Variants in ENG observed in about 807,000 individuals in gnomAD.
The protein encoded by ENG is endoglin, also known as CD105 antigen.
In ENG, 17 loss-of-function variants were observed where a neutral mutation model predicts 71.0. The ratio of observed to expected loss-of-function variants is 0.24; its 90% confidence interval spans 0.16 to 0.36. The LOEUF is 0.36. Among genes scored for constraint, ENG ranks in the 10% least tolerant of loss-of-function variants. The pLI is 1.00. For missense variants in ENG, 749 were observed against 868.3 expected, an observed-to-expected ratio of 0.86 and a Z score of 1.73; for synonymous variants, 360 against 366.9, an observed-to-expected ratio of 0.98 and a Z score of 0.21.
At position 127,819,643 on chromosome 9, in the gene ENG, C is replaced by G. The variant is rs377321205; in HGVS notation, c.1290G>C (p.Leu430=). Residue 430 remains leucine (L), a synonymous_variant, in exon 10 of 15, where the codon CTG becomes CTC. Transcript: ENST00000373203. ...TCACCCGCTGTGGTGATGAGCTCGA[C>G]AGGATATTGACCACCGCCTGCGGGG... The part of the protein sequence containing the change: ...MISNEAVVNI[L]SSSSPQRKKV... 2.5e-6 allele frequency: 4 copies of G among 1,612,068 alleles called. No individual in the cohort carries two copies. The highest frequency in any genetic ancestry group is 3.4e-6 in the Non-Finnish European group (4 of 1,179,292).
chr9:127,843,387 T>C (rs1831088983), intron 1 of ENG, 142 bp from the exon 2 acceptor site: 6 of 1,128,120 alleles, frequency 5.3e-6, no homozygotes, highest in Non-Finnish European at 7.8e-6. Flanking sequence ...GTGGATATCA[T>C]TATATTCGTT....
At chr9:127,834,192 C>T (rs1830837621) in intron 2 of ENG, among the ~76,000 whole-genome samples, 1 of 151,982 alleles carries the variant, frequency 6.6e-6, no homozygotes, top group African/African-American at 2.4e-5. Context: ...CCTGCCTCAG[C>T]CTCCCAAGTA....
At chr9:127,841,768 C>T (rs1831036996) in intron 2 of ENG, among the ~76,000 whole-genome samples, 1 of 152,196 alleles carries the variant, frequency 6.6e-6, no homozygotes, top group African/African-American at 2.4e-5. Flanking sequence ...ATCTCCAGTC[C>T]AACAGGCCAG....
rs546892762 is a variant in ENG at position 127,854,470 on chromosome 9, C to T, written c.-115G>A. On this transcript the variant is annotated 5_prime_UTR_variant, in exon 1 of 15. Transcript: ENST00000373203. ...CGGGGACCCGAGGGGAGCAGGCGGC[C>T]GGAGCGACGGCGTCCCTGCTCCAGC... 1.7e-5 allele frequency: 20 copies of T among 1,166,950 alleles called. No homozygotes were observed. The highest frequency in any genetic ancestry group is 4.7e-5 in the African/African-American group (3 of 63,430). 72.3% of individuals were successfully genotyped at this position (1,166,950 alleles called of 1,614,324 possible).
chr9:127,820,381 G>A (rs1041793621), intron 8 of ENG, among the ~76,000 whole-genome samples: 3 of 151,516 alleles, frequency 2.0e-5, no homozygotes, highest in African/African-American at 4.8e-5. Context: ...TTTTAGTAGA[G>A]ATAGGGTTTC....
In ENG at chr9:127,815,763, C is replaced by T. The variant is rs1487594889; in HGVS notation, c.1896G>A (p.Pro632=). 7.1e-6 allele frequency: 11 copies of T among 1,545,824 alleles called. No individual in the cohort carries two copies. Among genetic ancestry groups the T allele is most frequent in the Admixed American group, 3.9e-5 (2 of 51,190 alleles). ...KREPVVAVAA[P]ASSESSSTNH... ...TGGTGCTGCTGCTCTCCGAGGAGGC[C>T]GGGGCAGCCACCGCCACCACGGGCT... The change falls in exon 15 of 15, where the codon CCG becomes CCA. Residue 632 remains proline, a synonymous_variant. Transcript: ENST00000373203.
At chr9:127,840,371 G>A (rs1235326277) in intron 2 of ENG, among the ~76,000 whole-genome samples, 2 of 152,148 alleles carry the variant, frequency 1.3e-5, no homozygotes, top group Non-Finnish European at 2.9e-5. Flanking sequence ...CGAGGTGGGC[G>A]GATTATTTGA....
Position 127,819,644 on chromosome 9 carries a change from A to G in ENG, c.1289T>C (p.Leu430Pro), listed in dbSNP as rs1299753897. Residue 430 changes from leucine (L) to proline (P), a missense_variant, in exon 10 of 15, where the codon CTG (leucine) becomes CCG (proline). Physicochemically the swap from Leu to Pro is moderately conservative, Grantham distance 98 (BLOSUM62 -3). Transcript: ENST00000373203. ...CACCCGCTGTGGTGATGAGCTCGACAGGATATTGACCACCGCCTGCGGGGA... is the reference window on the plus strand; with the variant it reads ...CACCCGCTGTGGTGATGAGCTCGACGGGATATTGACCACCGCCTGCGGGGA... ...MISNEAVVNI[L>P]SSSSPQRKKV... 6.2e-7 allele frequency: 1 copy of G among 1,612,244 alleles called. No individual in the cohort carries two copies. Among genetic ancestry groups the G allele is most frequent in the Non-Finnish European group, 8.5e-7 (1 of 1,179,286 alleles).
In ENG at chr9:127,824,793, T is replaced by C. The variant is rs1055006130; in HGVS notation, c.991+7A>G. On this transcript the variant is annotated splice_region_variant and intron_variant, in intron 7 of 14. Transcript: ENST00000373203. Reference sequence around the variant, plus strand: ...AGGGAAGGGAGGGGCAGGGGAAGGGTGCTCACCGCAGCTGGAGGCATGAAG... The same window carrying C: ...AGGGAAGGGAGGGGCAGGGGAAGGGCGCTCACCGCAGCTGGAGGCATGAAG... 9 of 1,534,682 alleles carry C rather than the reference T, an allele frequency of 5.9e-6. No homozygotes were observed. The African/African-American group carries it at 8.4e-5, about 14-fold the overall frequency.
chr9:127,828,038 AAAAAAAG>A (rs1830667193), intron 3 of ENG, among the ~76,000 whole-genome samples: 1 of 150,828 alleles, frequency 6.6e-6, no homozygotes, highest in Non-Finnish European at 1.5e-5. Context: ...AAAAAAAAAA[AAAAAAAG>A]GAGACCCTCC....
In ENG at chr9:127,854,155, G is replaced by A. The variant is rs1221993708; in HGVS notation, c.67+134C>T. The A allele has an allele frequency of 8.1e-6, 7 of 861,468 alleles. No individual in the cohort carries two copies. In the East Asian group the frequency reaches 1.1e-4, roughly 13 times the overall value. The allele number at this position is 861,468 out of a possible 1,614,324, so 53.4% of individuals were successfully genotyped here. A position where few individuals can be genotyped will look rare whatever the true frequency, so the allele number is the denominator to read the frequency against. The stretch of plus-strand genomic sequence containing the variant: ...TTAGTTCCAGCAAACTGGGAGGGTT[G>A]GTGACCCTCCAGAGCCCCAAGGATG... On this transcript the variant is annotated intron_variant, in intron 1 of 14. Transcript: ENST00000373203.
intron 4 of ENG, among the ~76,000 whole-genome samples, chr9:127,826,254 ATAG>A (rs1420106711): frequency 1.3e-5 from 2 of 152,248 alleles, no homozygotes; most frequent in African/African-American, 2.4e-5. Flanking sequence ...GCTTTGGCAC[ATAG>A]TAGATGCACA....
chr9:127,818,214 C>T lies in ENG; in HGVS notation c.1592G>A (p.Ser531Asn), dbSNP rs780884220. The T allele has an allele frequency of 4.3e-6, 7 of 1,614,174 alleles. No homozygotes were observed. The Middle Eastern group carries it at 4.9e-4, about 114-fold the overall frequency. ...TACTGTGTAGAAGTGGAGGAGGAAGCTGAAGCGCGGGTCACCCTCGGGGCT... is the reference window on the plus strand; with the variant it reads ...TACTGTGTAGAAGTGGAGGAGGAAGTTGAAGCGCGGGTCACCCTCGGGGCT... The part of the protein sequence containing the change: ...SPSPEGDPRF[S>N]FLLHFYTVPI... Residue 531 changes from serine to asparagine, a missense_variant, in exon 12 of 15, where the codon AGC becomes AAC. Coordinates refer to ENST00000373203, the MANE Select transcript of ENG (RefSeq NM_001114753.3).
chr9:127,834,230 G>A (rs1830839359), intron 2 of ENG, among the ~76,000 whole-genome samples: 1 of 151,854 alleles, frequency 6.6e-6, no homozygotes, highest in Admixed American at 6.6e-5. Flanking sequence ...GCGCCACCAT[G>A]CCCAGCTAAT....
rs1389761719 is a variant in ENG at position 127,815,648 on chromosome 9, GTC to G, written c.*32_*33del. 29 of 1,543,498 alleles carry G rather than the reference GTC, an allele frequency of 1.9e-5. No homozygotes were observed. The highest frequency in any genetic ancestry group is 2.4e-5 in the Non-Finnish European group (28 of 1,151,572). ...AGTGCTCCCAGCTGGCGGCTGCTCA[GTC>G]TCTCCTGCTGGGCGAGCGCGGGGGG... On this transcript the variant is annotated 3_prime_UTR_variant, in exon 15 of 15. Transcript: ENST00000373203.
At chr9:127,815,871 G>A (rs766863961) in intron 14 of ENG, 65 bp from the exon 15 acceptor site, 6 of 1,558,804 alleles carry the variant, frequency 3.8e-6, no homozygotes, top group African/African-American at 1.4e-5. Flanking sequence ...CAATCCCTCA[G>A]AGGCTTCACT....
intron 9 of ENG, 116 bp from the exon 10 acceptor site, chr9:127,819,776 T>C: frequency 6.2e-7 from 1 of 1,602,682 alleles, no homozygotes; most frequent in Non-Finnish European, 8.5e-7. Flanking sequence ...GCCAAGCTTG[T>C]CTTGTGTTCT....
At chr9:127,840,038 G>A (rs1453864197) in intron 2 of ENG, among the ~76,000 whole-genome samples, 1 of 152,232 alleles carries the variant, frequency 6.6e-6, no homozygotes, top group Admixed American at 6.5e-5. Context: ...ACTCCAGGCA[G>A]GTCCTGCGCT....
chr9:127,829,843 G>A lies in ENG; in HGVS notation c.220-16C>T, dbSNP rs748668677. The A allele has an allele frequency of 9.4e-5, 151 of 1,613,636 alleles. 1 individual carries two copies. The highest frequency in any genetic ancestry group is 1.2e-4 in the Non-Finnish European group (147 of 1,180,014). ...GTGACGGGCCCTGGGGGACACAGAG[G>A]AGAGACACACACAGTCCAGTCAGAT... is the stretch of plus-strand genomic sequence containing the variant. On this transcript the variant is annotated splice_polypyrimidine_tract_variant and intron_variant, in intron 2 of 14. Coordinates refer to ENST00000373203, the MANE Select transcript of ENG (RefSeq NM_001114753.3).
Sources: gnomAD v4.1 joint callset for allele counts (sites outside exome capture counted in the v4.1 genomes callset) on GRCh38, gnomAD v4.1.1 for gene constraint, MANE v1.5 for transcripts, NCBI Gene and HGNC (gene_info 2026-07-23, HGNC 2026-07-21) for gene names.